The following ADAMTSL1 variants were observed in gnomAD, a reference collection of about 807,000 sequenced individuals.
ADAMTSL1 encodes ADAMTS like 1.
In ADAMTSL1, 126 loss-of-function variants were observed where a neutral mutation model predicts 201.8. The ratio of observed to expected loss-of-function variants is 0.62; its 90% CI spans 0.54 to 0.72. The LOEUF is 0.72. ADAMTSL1 is among the 30% of genes least tolerant of loss of function. The pLI is 0.00. For missense variants in ADAMTSL1, 2,679 were observed against 2,277.8 expected (o/e 1.18, Z -3.59); for synonymous variants, 1,121 against 903.4 (o/e 1.24, Z -4.32).
intron 2 of ADAMTSL1, among the ~76,000 whole-genome samples, chr9:18,265,039 G>A (rs1020684582): frequency 3.3e-5 from 5 of 152,202 alleles, no homozygotes; most frequent in Non-Finnish European, 7.3e-5. Context: ...AGGACTTGGT[G>A]AACGTTTACA....
chr9:18,184,097 A>G (rs1371350248), intron 2 of ADAMTSL1, among the ~76,000 whole-genome samples: 1 of 152,212 alleles, frequency 6.6e-6, no homozygotes, highest in Non-Finnish European at 1.5e-5. Flanking sequence ...AAATGCTGAC[A>G]GAAGTGACAA....
At chr9:18,126,299 C>G (rs1825724296) in intron 1 of ADAMTSL1, among the ~76,000 whole-genome samples, 1 of 152,226 alleles carries the variant, frequency 6.6e-6, no homozygotes, top group African/African-American at 2.4e-5. Flanking sequence ...CCCAGAATCT[C>G]TCTCACAAAT....
At chr9:18,554,963 A>C (rs1187480279) in intron 3 of ADAMTSL1, among the ~76,000 whole-genome samples, 1 of 151,596 alleles carries the variant, frequency 6.6e-6, no homozygotes, top group East Asian at 1.9e-4. Flanking sequence ...ACATATATCC[A>C]CCTCTGTAGT....
chr9:18,599,646 T>C (rs1824494949), intron 4 of ADAMTSL1, among the ~76,000 whole-genome samples: 1 of 152,034 alleles, frequency 6.6e-6, no homozygotes, highest in South Asian at 2.1e-4. Flanking sequence ...TCTCCCTGAG[T>C]TTCGTGGCTC....
At chr9:18,300,785 T>C (rs1457583570) in intron 2 of ADAMTSL1, among the ~76,000 whole-genome samples, 2 of 152,152 alleles carry the variant, frequency 1.3e-5, no homozygotes, top group Non-Finnish European at 2.9e-5. Context: ...TGATGACACC[T>C]GGGTAGCAAA....
Position 18,697,658 on chromosome 9 carries a change from G to T in ADAMTSL1, c.1575-9089G>T, listed in dbSNP as rs1016603522. Among the ~76,000 whole-genome samples, 3 of 152,318 alleles carry T rather than the reference G, an allele frequency of 2.0e-5. No individual in the cohort carries two copies. In the South Asian group the frequency reaches 6.2e-4, roughly 32 times the overall value. ...GTAATGGAAATGGAGAGAAGTAAAT[G>T]AGTTTATATATATTTTCAAGGGAGA... On this transcript the variant is annotated intron_variant, in intron 13 of 28. Transcript: ENST00000380548.
intron 1 of ADAMTSL1, among the ~76,000 whole-genome samples, chr9:18,163,275 G>T (rs1344300075): frequency 6.6e-6 from 1 of 151,966 alleles, no homozygotes; most frequent in African/African-American, 2.4e-5. Flanking sequence ...GACACCTCTT[G>T]GGGTTGTCAC....
chr9:18,621,818 T>C (rs955457965), intron 4 of ADAMTSL1, among the ~76,000 whole-genome samples: 1 of 152,158 alleles, frequency 6.6e-6, no homozygotes, highest in Non-Finnish European at 1.5e-5. Flanking sequence ...AACATGGAGA[T>C]CATTTATAAA....
intron 2 of ADAMTSL1, among the ~76,000 whole-genome samples, chr9:18,291,223 A>G (rs1387200883): frequency 6.6e-6 from 1 of 152,196 alleles, no homozygotes; most frequent in African/African-American, 2.4e-5. Context: ...AAATGATACT[A>G]AATCCTAAGA....
intron 2 of ADAMTSL1, among the ~76,000 whole-genome samples, chr9:18,170,246 A>G (rs764294850): frequency 2.6e-5 from 4 of 152,024 alleles, no homozygotes. Flanking sequence ...TTGTATTCTA[A>G]ACTAATACTC....
At chr9:17,990,290 A>G (rs896404568) in intron 1 of ADAMTSL1, among the ~76,000 whole-genome samples, 1 of 151,998 alleles carries the variant, frequency 6.6e-6, no homozygotes, top group African/African-American at 2.4e-5. Context: ...TCTGTTTGGG[A>G]TATTTTGTAG....
intron 3 of ADAMTSL1, among the ~76,000 whole-genome samples, chr9:18,564,482 T>C (rs537762848): frequency 6.6e-6 from 1 of 152,166 alleles, no homozygotes; most frequent in Non-Finnish European, 1.5e-5. Context: ...CCTGCCTCAC[T>C]TGTAAATAGA....
intron 3 of ADAMTSL1, among the ~76,000 whole-genome samples, chr9:18,552,413 T>C (rs1346193943): frequency 2.6e-5 from 4 of 151,880 alleles, no homozygotes; most frequent in Admixed American, 6.6e-5. Context: ...TCGCTAACAA[T>C]TGCATTATGA....
intron 2 of ADAMTSL1, among the ~76,000 whole-genome samples, chr9:18,245,975 G>A (rs558424455): frequency 6.6e-6 from 1 of 152,192 alleles, no homozygotes; most frequent in East Asian, 1.9e-4. Flanking sequence ...AGAGACTACT[G>A]TTGCAAAAAG....
chr9:18,345,956 C>A (rs1248735232), intron 2 of ADAMTSL1, among the ~76,000 whole-genome samples: 1 of 152,080 alleles, frequency 6.6e-6, no homozygotes, highest in South Asian at 2.1e-4. Context: ...GGGACTGCAG[C>A]CCACTCTGTA....
intron 2 of ADAMTSL1, among the ~76,000 whole-genome samples, chr9:18,254,902 A>G (rs1297408549): frequency 6.6e-6 from 1 of 152,130 alleles, no homozygotes; most frequent in Non-Finnish European, 1.5e-5. Flanking sequence ...GCAAGAATTA[A>G]ATTGGTAATC....
rs572361147 is a variant in ADAMTSL1, at chr9:18,190,038, T to A, written c.207+26057T>A. On this transcript the variant is annotated intron_variant, in intron 2 of 29. Transcript: ENST00000680146. ...TAGAACAAGAATGAGCCTGGTCAGG[T>A]TTCAAATGAAATGTATGTTTTTGTA... Among the ~76,000 whole-genome samples the A allele has an allele frequency of 3.3e-5, 5 of 152,258 alleles. No individual in the cohort carries two copies. In the East Asian group the frequency reaches 9.7e-4, roughly 29 times the overall value.
chr9:18,206,816 C>G (rs1237735162), intron 2 of ADAMTSL1, among the ~76,000 whole-genome samples: 1 of 152,156 alleles, frequency 6.6e-6, no homozygotes, highest in South Asian at 2.1e-4. Context: ...CTAGAAATCT[C>G]TTGACCCGGA....
intron 2 of ADAMTSL1, among the ~76,000 whole-genome samples, chr9:18,460,771 T>A (rs1341389281): frequency 6.6e-6 from 1 of 152,166 alleles, no homozygotes; most frequent in East Asian, 1.9e-4. Context: ...ACTTTTGACA[T>A]CCATAGAGTG....
Sources: allele counts gnomAD v4.1 joint callset (sites outside exome capture counted in the v4.1 genomes callset), GRCh38; gene constraint gnomAD v4.1.1; transcripts MANE v1.5; gene names NCBI Gene and HGNC (gene_info 2026-07-23, HGNC 2026-07-21).